The following WNK1 variants were observed in gnomAD, a reference collection of about 807,000 sequenced individuals.
WNK1 encodes WNK lysine deficient protein kinase 1, also known as serine/threonine-protein kinase WNK1.
WNK1 carries 38 observed loss-of-function variants against 222.8 expected under a neutral mutation model. That is an observed-to-expected ratio of 0.17 (90% confidence interval 0.13 to 0.22). The LOEUF (loss-of-function observed/expected upper bound fraction) is 0.22, where lower values mean the gene tolerates loss of function less well. Ranked by LOEUF, WNK1 falls within the 10% of genes least tolerant of loss-of-function variation. The pLI is 1.00. For missense variants in WNK1, 2,348 were observed against 2,918.4 expected (o/e 0.80, Z 4.50); for synonymous variants, 1,090 against 1,092.9 (o/e 1.00, Z 0.05).
At position 884,582 on chromosome 12, in the gene WNK1, G is replaced by T. The variant is rs763499822; in HGVS notation, c.3845-67G>T. Reference sequence around the variant, plus strand: ...TATTTATAGGAGCTGACTTAGGCTAGCAGACAATCTTTTGAATCCATCCTT... The same window carrying T: ...TATTTATAGGAGCTGACTTAGGCTATCAGACAATCTTTTGAATCCATCCTT... On this transcript the variant is annotated intron_variant, in intron 18 of 27. Coordinates refer to ENST00000315939, the MANE Select transcript of WNK1 (RefSeq NM_018979.4). This position sits in a 1 kb window ranked among gnomAD's most constrained non-coding sequence, Gnocchi z 5.6. The T allele has an allele frequency of 1.7e-5, 25 of 1,503,502 alleles. No individual in the cohort carries two copies. The highest frequency in any genetic ancestry group is 3.4e-5 in the Admixed American group (2 of 59,526). The allele number at this position is 1,503,502 out of a possible 1,614,324, so 93.1% of individuals were successfully genotyped here.
At chr12:906,239 G>A in intron 26 of WNK1, 3 of 887,884 alleles carry the variant, frequency 3.4e-6, no homozygotes, top group Non-Finnish European at 2.7e-6. Context: ...GTAAGACAGT[G>A]GGGGGTAAGG....
At chr12:868,981 TA>T in intron 8 of WNK1, 1 of 1,598,866 alleles carries the variant, frequency 6.3e-7, no homozygotes, top group Non-Finnish European at 8.5e-7. Flanking sequence ...CAATGCCCTT[TA>T]TCCATCTGCC....
At chr12:777,558 C>T (rs1943255211) in intron 1 of WNK1, among the ~76,000 whole-genome samples, 1 of 152,180 alleles carries the variant, frequency 6.6e-6, no homozygotes, top group Non-Finnish European at 1.5e-5. Context: ...CAAACGTAGT[C>T]TGCTAGAATT....
At chr12:793,361 C>A (rs1477596735) in intron 1 of WNK1, among the ~76,000 whole-genome samples, 1 of 152,126 alleles carries the variant, frequency 6.6e-6, no homozygotes, top group African/African-American at 2.4e-5. Context: ...AAGGAGAAAA[C>A]GTGTTGGTTC....
intron 8 of WNK1, among the ~76,000 whole-genome samples, chr12:865,610 A>G (rs1190501598): frequency 6.6e-6 from 1 of 152,166 alleles, no homozygotes; most frequent in Non-Finnish European, 1.5e-5. Flanking sequence ...TGTCCAATAA[A>G]ATTTACCTTT....
intron 8 of WNK1, chr12:868,372 A>G (rs1383348671): frequency 1.2e-6 from 2 of 1,613,824 alleles, no homozygotes; most frequent in East Asian, 2.2e-5. Context: ...TGAAACAGAT[A>G]CCTGAACAGA....
At chr12:824,332 T>C (rs918892767) in intron 2 of WNK1, among the ~76,000 whole-genome samples, 2 of 152,002 alleles carry the variant, frequency 1.3e-5, no homozygotes, top group African/African-American at 4.8e-5. Context: ...TTATAACCAC[T>C]TTTCATTCTC....
chr12:863,291 G>T (rs72648702), intron 8 of WNK1, among the ~76,000 whole-genome samples: 1 of 152,018 alleles, frequency 6.6e-6, no homozygotes, highest in East Asian at 1.9e-4. Context: ...ATGTTCATTT[G>T]TTTCAGAGTC....
At position 908,769 on chromosome 12, in the gene WNK1, G is replaced by A. The variant is rs775052421; in HGVS notation, c.7126G>A (p.Gly2376Ser). 1 of 1,515,466 alleles carries A rather than the reference G, an allele frequency of 6.6e-7. No individual in the cohort carries two copies. The highest frequency in any genetic ancestry group is 8.9e-7 in the Non-Finnish European group (1 of 1,119,226). The allele number at this position is 1,515,466 out of a possible 1,614,324, so 93.9% of individuals were successfully genotyped here. A position where few individuals can be genotyped will look rare whatever the true frequency, so the allele number is the denominator to read the frequency against. ...NLQKSISNPP[G>S]SNLRTT ...GCAGAAATCCATCAGCAACCCCCCA[G>A]GCTCCAACCTGCGGACCACTTAGAC... Residue 2376 changes from glycine to serine, a missense_variant, in exon 28 of 28, where the codon GGC becomes AGC. Physicochemically the swap from Gly to Ser is moderately conservative, Grantham distance 56 (BLOSUM62 0). Around this residue, in one of 13 missense-constraint regions of WNK1, gnomAD observed 76 missense variants for 85.7 expected, o/e 0.89. Transcript: ENST00000315939.
At chr12:865,975 A>G (rs573344489) in intron 8 of WNK1, among the ~76,000 whole-genome samples, 2 of 152,292 alleles carry the variant, frequency 1.3e-5, no homozygotes, top group South Asian at 2.1e-4. Flanking sequence ...TAATGAATGC[A>G]TTAGATGCAT....
chr12:833,323 C>G (rs1016539896), intron 4 of WNK1, among the ~76,000 whole-genome samples: 1 of 152,128 alleles, frequency 6.6e-6, no homozygotes, highest in East Asian at 1.9e-4. Flanking sequence ...TTCTTGCTAT[C>G]CTTTCTTGGT....
chr12:810,604 G>A (rs544279598), intron 1 of WNK1, among the ~76,000 whole-genome samples: 102 of 117,192 alleles, frequency 8.7e-4, no homozygotes, highest in African/African-American at 2.6e-3. Flanking sequence ...GCTTCTGGGC[G>A]AATAAAGTGA....
At chr12:880,655 C>G in intron 11 of WNK1, 66 bp from the exon 12 acceptor site, 3 of 1,399,274 alleles carry the variant, frequency 2.1e-6, no homozygotes, top group African/African-American at 1.5e-5. Context: ...TTTTGCATGT[C>G]TTGCTGTTTT....
chr12:775,683 A>T (rs1473961523), intron 1 of WNK1, among the ~76,000 whole-genome samples: 1 of 152,212 alleles, frequency 6.6e-6, no homozygotes, highest in Non-Finnish European at 1.5e-5. Context: ...CTCAAAAAAA[A>T]GTTTGAGCTA....
intron 1 of WNK1, among the ~76,000 whole-genome samples, chr12:803,136 G>A (rs966784176): frequency 6.6e-6 from 1 of 152,154 alleles, no homozygotes; most frequent in East Asian, 1.9e-4. Flanking sequence ...TTTATGTATT[G>A]TAAACTGTAG....
At chr12:851,935 A>G (rs1205094194) in intron 4 of WNK1, among the ~76,000 whole-genome samples, 1 of 152,188 alleles carries the variant, frequency 6.6e-6, no homozygotes, top group Non-Finnish European at 1.5e-5. Flanking sequence ...GAGTTCTGTA[A>G]TTTAGTGAAT....
chr12:835,858 G>A (rs1949137661), intron 4 of WNK1, among the ~76,000 whole-genome samples: 1 of 152,086 alleles, frequency 6.6e-6, no homozygotes. Context: ...GGAGGCTGAG[G>A]TAGGAGAATC....
intron 1 of WNK1, among the ~76,000 whole-genome samples, chr12:767,234 G>GTTTTTTTTTTTTTTT (rs71051382): frequency 2.8e-5 from 2 of 70,890 alleles, no homozygotes; most frequent in African/African-American, 1.3e-4. Flanking sequence ...GGGTTGATAG[G>GTTTTTTTTTTTTTTT]TTTTTTTTTT....
At chr12:889,046 A>G in intron 20 of WNK1, 94 bp from the exon 21 acceptor site, 1 of 939,676 alleles carries the variant, frequency 1.1e-6, no homozygotes, top group South Asian at 1.3e-5. Flanking sequence ...GTGCCAATAT[A>G]AAGCATAAAA....
Sources: allele counts gnomAD v4.1 joint callset (sites outside exome capture counted in the v4.1 genomes callset), GRCh38; gene constraint gnomAD v4.1.1; regional missense constraint gnomAD v4.1.1; non-coding constraint Gnocchi (gnomAD v3.1); transcripts MANE v1.5; gene names NCBI Gene and HGNC (gene_info 2026-07-23, HGNC 2026-07-21).